The following CNTNAP5 variants were observed in gnomAD, a reference collection of about 807,000 sequenced individuals.
CNTNAP5 encodes contactin-associated protein-like 5.
Under a neutral mutation model 150.2 loss-of-function variants are expected in CNTNAP5, and 72 were observed. The observed-to-expected ratio is 0.48, with a 90% CI of 0.40 to 0.58. The LOEUF is 0.58. Ranked by LOEUF, CNTNAP5 falls within the 20% of genes least tolerant of loss-of-function variation. The probability of loss-of-function intolerance (pLI) is 0.00; values close to 1 mark genes in which losing one functional copy is unlikely to be tolerated. For missense variants in CNTNAP5, 1,636 were observed against 1,626.2 expected (o/e 1.01, Z -0.10); for synonymous variants, 672 against 619.8 (o/e 1.08, Z -1.25).
chr2:124,027,264 A>G (rs1680918188), intron 1 of CNTNAP5, among the ~76,000 whole-genome samples: 1 of 152,210 alleles, frequency 6.6e-6, no homozygotes. Flanking sequence ...GTGGTTAGTA[A>G]GAGGAGGTAA....
At chr2:124,475,625 T>C (rs1693621203) in intron 7 of CNTNAP5, among the ~76,000 whole-genome samples, 1 of 152,216 alleles carries the variant, frequency 6.6e-6, no homozygotes, top group South Asian at 2.1e-4. Context: ...GGATTCACTC[T>C]TTTATCATTA....
chr2:124,138,680 C>T (rs981146500), intron 1 of CNTNAP5, among the ~76,000 whole-genome samples: 3 of 151,926 alleles, frequency 2.0e-5, no homozygotes, highest in Non-Finnish European at 2.9e-5. Context: ...AGAATTGGTC[C>T]CCGAGTTTGA....
At chr2:124,374,104 A>C (rs1690592304) in intron 3 of CNTNAP5, among the ~76,000 whole-genome samples, 1 of 152,084 alleles carries the variant, frequency 6.6e-6, no homozygotes, top group Non-Finnish European at 1.5e-5. Context: ...TAATAAAGAG[A>C]CTGGTACTAT....
At chr2:124,317,041 T>C (rs1044864171) in intron 3 of CNTNAP5, among the ~76,000 whole-genome samples, 1 of 152,054 alleles carries the variant, frequency 6.6e-6, no homozygotes, top group Non-Finnish European at 1.5e-5. Context: ...GAGCATGCAG[T>C]GGGTGCTATG....
intron 1 of CNTNAP5, among the ~76,000 whole-genome samples, chr2:124,031,849 CT>C (rs1664967028): frequency 6.6e-6 from 1 of 152,136 alleles, no homozygotes; most frequent in South Asian, 2.1e-4. Flanking sequence ...GAAAAGATCT[CT>C]CTTTTTTTAT....
intron 13 of CNTNAP5, among the ~76,000 whole-genome samples, chr2:124,743,956 C>A (rs1033550030): frequency 2.6e-5 from 4 of 152,180 alleles, no homozygotes; most frequent in Admixed American, 2.6e-4. Flanking sequence ...TATCCGTGGC[C>A]TATGAGTTTT....
chr2:124,251,945 T>C (rs1372541753), intron 3 of CNTNAP5, among the ~76,000 whole-genome samples: 1 of 152,166 alleles, frequency 6.6e-6, no homozygotes, highest in Non-Finnish European at 1.5e-5. Flanking sequence ...CCACTACGTG[T>C]AAACAGCTCA....
intron 1 of CNTNAP5, among the ~76,000 whole-genome samples, chr2:124,165,551 C>A (rs1684793509): frequency 6.6e-6 from 1 of 152,128 alleles, no homozygotes; most frequent in African/African-American, 2.4e-5. Flanking sequence ...ATGTTAAAAA[C>A]AATGTAGGGT....
At chr2:124,065,651 T>C (rs986194070) in intron 1 of CNTNAP5, among the ~76,000 whole-genome samples, 1 of 152,112 alleles carries the variant, frequency 6.6e-6, no homozygotes, top group Admixed American at 6.6e-5. Context: ...AACTGAAACT[T>C]ATCATTATAA....
intron 1 of CNTNAP5, among the ~76,000 whole-genome samples, chr2:124,173,523 T>A (rs1180239261): frequency 1.3e-5 from 2 of 152,206 alleles, no homozygotes; most frequent in Non-Finnish European, 2.9e-5. Context: ...TCTGGACAGA[T>A]GATCAAACCA....
At chr2:124,221,574 G>A (rs1003198124) in intron 1 of CNTNAP5, 131 bp from the exon 2 acceptor site, 19 of 616,948 alleles carry the variant, frequency 3.1e-5, no homozygotes, top group African/African-American at 7.4e-5. Context: ...CATGGAAACC[G>A]GGAGTACCTG....
Position 124,747,409 on chromosome 2 carries a change from G to A in CNTNAP5, c.2234+24G>A, listed in dbSNP as rs199853620. On this transcript the variant is annotated intron_variant, in intron 14 of 23. Coordinates refer to ENST00000682447, the MANE Select transcript of CNTNAP5 (RefSeq NM_001367498.1). Reference sequence around the variant, plus strand: ...TGGTAATGAGAATCTCCATCTTTCTGCAATTGTAGAGAAAGCACATTAATT... The same window carrying A: ...TGGTAATGAGAATCTCCATCTTTCTACAATTGTAGAGAAAGCACATTAATT... 1.4e-4 allele frequency: 220 copies of A among 1,612,964 alleles called. 1 individual carries two copies. In the African/African-American group the frequency reaches 2.2e-3, roughly 16 times the overall value.
At chr2:124,377,865 G>C (rs963777464) in intron 3 of CNTNAP5, among the ~76,000 whole-genome samples, 1 of 152,016 alleles carries the variant, frequency 6.6e-6, no homozygotes, top group African/African-American at 2.4e-5. Flanking sequence ...TGTGAACAAT[G>C]AAGGAAAAAC....
chr2:124,534,968 G>A (rs901966036), intron 10 of CNTNAP5, among the ~76,000 whole-genome samples: 15 of 152,124 alleles, frequency 9.9e-5, no homozygotes, highest in South Asian at 2.1e-4. Flanking sequence ...CAGTCACTCT[G>A]GTTCAAAAGC....
intron 22 of CNTNAP5, among the ~76,000 whole-genome samples, chr2:124,909,412 G>A (rs1179295509): frequency 2.0e-4 from 30 of 152,100 alleles, no homozygotes; most frequent in Admixed American, 2.0e-3. Flanking sequence ...GATTGTGTGA[G>A]CACACTCTAT....
At chr2:124,541,384 A>G (rs1382660142) in intron 10 of CNTNAP5, among the ~76,000 whole-genome samples, 1 of 151,862 alleles carries the variant, frequency 6.6e-6, no homozygotes, top group Non-Finnish European at 1.5e-5. Context: ...CAATTCTAAT[A>G]GTATATAGGC....
intron 13 of CNTNAP5, among the ~76,000 whole-genome samples, chr2:124,706,547 G>A (rs1417009369): frequency 6.6e-6 from 1 of 151,920 alleles, no homozygotes; most frequent in Admixed American, 6.6e-5. Context: ...AGGAGTTCAA[G>A]ACCAGCTTGG....
At chr2:124,769,979 AT>A (rs766242116) in intron 16 of CNTNAP5, among the ~76,000 whole-genome samples, 32 of 152,248 alleles carry the variant, frequency 2.1e-4, no homozygotes, top group Admixed American at 1.8e-3. Flanking sequence ...AATATTAACT[AT>A]TTTTATTGAA....
chr2:124,572,931 T>C (rs1156401224), intron 11 of CNTNAP5, among the ~76,000 whole-genome samples: 1 of 152,230 alleles, frequency 6.6e-6, no homozygotes, highest in East Asian at 1.9e-4. Context: ...TTCTACCGTA[T>C]AAAAATTGTC....
Sources: gnomAD v4.1 joint callset for allele counts (sites outside exome capture counted in the v4.1 genomes callset) on GRCh38, gnomAD v4.1.1 for gene constraint, MANE v1.5 for transcripts, NCBI Gene and HGNC (gene_info 2026-07-23, HGNC 2026-07-21) for gene names.